The following GNAQ variants were observed in gnomAD, a reference collection of about 807,000 sequenced individuals.
The protein encoded by GNAQ is G protein subunit alpha q, also known as guanine nucleotide-binding protein G(q) subunit alpha.
A neutral mutation model predicts 43.9 loss-of-function variants in GNAQ; 8 were observed. The ratio of observed to expected loss-of-function variants is 0.18; its 90% CI spans 0.11 to 0.33. The LOEUF is 0.33. Among genes scored for constraint, GNAQ ranks in the 10% least tolerant of loss-of-function variants. GNAQ has a pLI of 1.00. For missense variants in GNAQ, 158 were observed against 450.8 expected (o/e 0.35, Z 5.88); for synonymous variants, 155 against 170.7 (o/e 0.91, Z 0.71).
chr9:77,930,340 TTTAA>T (rs1319162446), intron 1 of GNAQ, among the ~76,000 whole-genome samples: 3 of 152,240 alleles, frequency 2.0e-5, no homozygotes, highest in African/African-American at 7.2e-5. Context: ...GCCCTTTCAT[TTTAA>T]TTATTTAAGG....
chr9:77,808,756 T>C (rs1207227237), intron 3 of GNAQ, among the ~76,000 whole-genome samples: 2 of 152,120 alleles, frequency 1.3e-5, no homozygotes, highest in Non-Finnish European at 2.9e-5. Context: ...GCTTAGTCAA[T>C]GCCCCCGAGG....
At chr9:77,949,422 G>A (rs74821909) in intron 1 of GNAQ, among the ~76,000 whole-genome samples, 10,736 of 152,252 alleles carry the variant, frequency 0.071, 471 homozygotes, top group South Asian at 0.11. Flanking sequence ...TCTCTTGGGA[G>A]AAACAGGGGC....
chr9:77,838,896 T>C (rs937395942), intron 2 of GNAQ, among the ~76,000 whole-genome samples: 1 of 152,126 alleles, frequency 6.6e-6, no homozygotes, highest in Admixed American at 6.5e-5. Flanking sequence ...AGATGATTTC[T>C]AGATAGTCTT....
intron 5 of GNAQ, among the ~76,000 whole-genome samples, chr9:77,793,658 C>T (rs569848580): frequency 1.3e-5 from 2 of 152,192 alleles, no homozygotes; most frequent in South Asian, 4.1e-4. Context: ...ACTGCAATCT[C>T]TGCCTCTAAC....
chr9:77,914,169 G>T (rs1828856933), intron 2 of GNAQ, among the ~76,000 whole-genome samples: 1 of 152,170 alleles, frequency 6.6e-6, no homozygotes, highest in African/African-American at 2.4e-5. Flanking sequence ...ATGTGGCTAG[G>T]AAGTATCTGC....
chr9:77,959,408 AATTT>A (rs1190962621), intron 1 of GNAQ, among the ~76,000 whole-genome samples: 1 of 152,214 alleles, frequency 6.6e-6, no homozygotes, highest in Non-Finnish European at 1.5e-5. Flanking sequence ...GATAATGTGA[AATTT>A]ATTAGTAAAT....
At chr9:77,968,194 T>G (rs889414071) in intron 1 of GNAQ, among the ~76,000 whole-genome samples, 1 of 152,208 alleles carries the variant, frequency 6.6e-6, no homozygotes, top group African/African-American at 2.4e-5. Context: ...TTATATTATG[T>G]AAATTATATG....
At chr9:77,725,081 C>CT (rs574605787) in intron 6 of GNAQ, among the ~76,000 whole-genome samples, 136 of 148,566 alleles carry the variant, frequency 9.2e-4, no homozygotes, top group African/African-American at 2.5e-3. Context: ...GGGACTATAC[C>CT]TTTTTTTTTT....
intron 5 of GNAQ, among the ~76,000 whole-genome samples, chr9:77,743,147 A>G (rs150722371): frequency 2.4e-4 from 37 of 152,266 alleles, no homozygotes; most frequent in Admixed American, 6.5e-4. Context: ...AGTCCCAGCT[A>G]CTCAGGAGGC....
intron 1 of GNAQ, among the ~76,000 whole-genome samples, chr9:77,951,701 G>A (rs2118383796): frequency 6.6e-6 from 1 of 152,278 alleles, no homozygotes; most frequent in East Asian, 1.9e-4. Context: ...AGGCTGCATA[G>A]ATGAGCTCCA....
chr9:77,984,467 C>T (rs1252747868), intron 1 of GNAQ, among the ~76,000 whole-genome samples: 1 of 152,124 alleles, frequency 6.6e-6, no homozygotes, highest in East Asian at 1.9e-4. Context: ...GCCTGAAGTA[C>T]CTGTTTAACT....
chr9:77,776,519 A>G (rs986909423), intron 5 of GNAQ, among the ~76,000 whole-genome samples: 3 of 152,244 alleles, frequency 2.0e-5, no homozygotes, highest in Non-Finnish European at 4.4e-5. Flanking sequence ...AGGCATAACA[A>G]TTGTATGCTT....
At position 77,811,752 on chromosome 9, in the gene GNAQ, C is replaced by T. The variant is rs1826931481; in HGVS notation, c.476+3864G>A. 2.0e-5 allele frequency among the ~76,000 whole-genome samples: 3 copies of T among 152,158 alleles called. No individual in the cohort carries two copies. The South Asian group carries it at 6.2e-4, about 32-fold the overall frequency. On this transcript the variant is annotated intron_variant, in intron 3 of 6. Coordinates refer to ENST00000286548, the MANE Select transcript of GNAQ (RefSeq NM_002072.5). ...AGTAAGTAACACTCGGGCCTCCTGG[C>T]ACAGTGGGATTAAGGCAAGCCAGGC...
intron 5 of GNAQ, among the ~76,000 whole-genome samples, chr9:77,738,065 T>A (rs1313770002): frequency 6.6e-6 from 1 of 152,212 alleles, no homozygotes; most frequent in Non-Finnish European, 1.5e-5. Flanking sequence ...AAGAATGCAT[T>A]TGTAACCTAT....
chr9:77,878,979 G>C (rs186295873), intron 2 of GNAQ, among the ~76,000 whole-genome samples: 9 of 152,130 alleles, frequency 5.9e-5, no homozygotes, highest in Admixed American at 2.6e-4. Flanking sequence ...TCAGGAGGAG[G>C]AAGTTGTAGT....
intron 1 of GNAQ, among the ~76,000 whole-genome samples, chr9:77,969,644 T>C (rs900503903): frequency 1.3e-5 from 2 of 152,206 alleles, no homozygotes; most frequent in Non-Finnish European, 1.5e-5. Context: ...AAATCTTCAG[T>C]AGTTTGAAGA....
chr9:77,787,139 T>A (rs1564110429), intron 5 of GNAQ, among the ~76,000 whole-genome samples: 2 of 152,178 alleles, frequency 1.3e-5, no homozygotes, highest in African/African-American at 4.8e-5. Flanking sequence ...TACGCAAGGT[T>A]AAAAAAATAC....
At chr9:77,893,163 G>A (rs1219459106) in intron 2 of GNAQ, among the ~76,000 whole-genome samples, 1 of 152,168 alleles carries the variant, frequency 6.6e-6, no homozygotes, top group African/African-American at 2.4e-5. Flanking sequence ...TCCCAGATTA[G>A]GCACTTCAAG....
At chr9:78,022,926 T>C (rs1823928595) in intron 1 of GNAQ, among the ~76,000 whole-genome samples, 1 of 152,180 alleles carries the variant, frequency 6.6e-6, no homozygotes, top group Non-Finnish European at 1.5e-5. Flanking sequence ...CCCTTAACTA[T>C]CTGTATGGAA....
Sources: gnomAD v4.1 joint callset for allele counts (sites outside exome capture counted in the v4.1 genomes callset) on GRCh38, gnomAD v4.1.1 for gene constraint, MANE v1.5 for transcripts, NCBI Gene and HGNC (gene_info 2026-07-23, HGNC 2026-07-21) for gene names.